Variants in ZNF486 observed in about 807,000 individuals in gnomAD.
ZNF486 encodes KRAB box only protein 2.
A neutral mutation model predicts 12.8 loss-of-function variants in ZNF486; 12 were observed. The ratio of observed to expected loss-of-function variants is 0.94; its 90% confidence interval spans 0.60 to 1.52. The LOEUF is 1.52. ZNF486 is among the 40% of genes most tolerant of loss of function. The pLI is 0.00. For synonymous variants in ZNF486, 231 were observed against 184.9 expected (o/e 1.25, Z -2.02); for missense variants, 738 against 545.0 (o/e 1.35, Z -3.53).
intron 1 of ZNF486, 113 bp downstream of exon 1, chr19:20,167,473 C>T: frequency 7.9e-7 from 1 of 1,272,062 alleles, no homozygotes; most frequent in Non-Finnish European, 1.1e-6. Context: ...GTCCGGACTT[C>T]TCCTTACCCA....
At chr19:20,190,596 G>A (rs1555717049) in intron 3 of ZNF486, among the ~76,000 whole-genome samples, 1 of 152,108 alleles carries the variant, frequency 6.6e-6, no homozygotes, top group East Asian at 1.9e-4. Flanking sequence ...TGTTGTCCAG[G>A]CTGGTCTCAA....
At chr19:20,170,988 AG>A (rs2089642101) in intron 1 of ZNF486, among the ~76,000 whole-genome samples, 1 of 152,232 alleles carries the variant, frequency 6.6e-6, no homozygotes, top group Admixed American at 6.5e-5. Flanking sequence ...TTAGTTCAAA[AG>A]AATAGATGGG....
intron 3 of ZNF486, chr19:20,188,340 A>G: frequency 5.0e-6 from 2 of 397,968 alleles, no homozygotes; most frequent in Non-Finnish European, 8.9e-6. Flanking sequence ...CTTTAAAAAA[A>G]TTGTTTTAAA....
chr19:20,188,661 A>C (rs1156707413), intron 3 of ZNF486: 1 of 391,718 alleles, frequency 2.6e-6, no homozygotes, highest in Non-Finnish European at 4.5e-6. Flanking sequence ...AAACAAAAAA[A>C]AGCTGTTCAT....
At chr19:20,191,530 G>A (rs1433751799) in intron 3 of ZNF486, among the ~76,000 whole-genome samples, 2 of 151,318 alleles carry the variant, frequency 1.3e-5, no homozygotes, top group Non-Finnish European at 2.9e-5. Context: ...AGCATTTTGG[G>A]AGGCCCAGGT....
At chr19:20,173,538 T>G (rs1274455471) in intron 1 of ZNF486, among the ~76,000 whole-genome samples, 1 of 151,948 alleles carries the variant, frequency 6.6e-6, no homozygotes, top group African/African-American at 2.4e-5. Context: ...CCTTAAAAAC[T>G]TCCAAAAAAA....
intron 1 of ZNF486, among the ~76,000 whole-genome samples, chr19:20,179,298 TA>T (rs2089758720): frequency 6.6e-6 from 1 of 152,184 alleles, no homozygotes; most frequent in Admixed American, 6.5e-5. Context: ...TGTAAATAAA[TA>T]AAAACTTTTG....
chr19:20,195,493 A>G (rs1555717764), intron 3 of ZNF486, among the ~76,000 whole-genome samples: 1 of 152,188 alleles, frequency 6.6e-6, no homozygotes. Flanking sequence ...GAATTTTAAA[A>G]ATTACTTTGT....
intron 3 of ZNF486, chr19:20,188,764 C>T (rs1341765680): frequency 7.2e-6 from 2 of 278,336 alleles, no homozygotes; most frequent in East Asian, 1.2e-4. Flanking sequence ...CATTAAATAA[C>T]AACTGCTCAT....
rs1441911808 is a variant in ZNF486, at chr19:20,199,161, T to C, written c.*1059T>C. 2 of 152,166 alleles carry C rather than the reference T, an allele frequency of 1.3e-5. No individual in the cohort carries two copies. Among genetic ancestry groups the C allele is most frequent in the African/African-American group, 4.8e-5 (2 of 41,444 alleles). The allele number at this position is 152,166 out of a possible 1,614,324, so 9.4% of individuals were successfully genotyped here. On this transcript the variant is annotated 3_prime_UTR_variant, in exon 4 of 4. Transcript: ENST00000335117. ...AAAAGCCATTAATGTCCATCACATC[T>C]TACTCAACAGAAGAAGGTTCATAAA...
At chr19:20,180,606 CTG>C (rs1205295257) in intron 1 of ZNF486, among the ~76,000 whole-genome samples, 9 of 152,184 alleles carry the variant, frequency 5.9e-5, no homozygotes, top group Admixed American at 5.2e-4. Flanking sequence ...CAGAATCTCA[CTG>C]TGTTACCCAG....
intron 3 of ZNF486, among the ~76,000 whole-genome samples, chr19:20,193,514 A>G (rs2089922994): frequency 6.6e-6 from 1 of 151,916 alleles, no homozygotes; most frequent in African/African-American, 2.4e-5. Flanking sequence ...TACAAACATT[A>G]TCCGGGCATG....
intron 1 of ZNF486, among the ~76,000 whole-genome samples, chr19:20,174,381 TTTTCTTTC>T (rs144184808): frequency 3.3e-5 from 5 of 151,430 alleles, no homozygotes; most frequent in African/African-American, 1.2e-4. Flanking sequence ...AGTATTTTGT[TTTTCTTTC>T]TTTCTTTCTT....
chr19:20,181,104 T>C (rs928790132), intron 1 of ZNF486, among the ~76,000 whole-genome samples: 23 of 152,252 alleles, frequency 1.5e-4, no homozygotes, highest in Admixed American at 1.1e-3. Flanking sequence ...TTCATGCTTT[T>C]TGGAGGCGTT....
chr19:20,181,848 C>G (rs1371555887), intron 1 of ZNF486, among the ~76,000 whole-genome samples: 1 of 152,158 alleles, frequency 6.6e-6, no homozygotes, highest in African/African-American at 2.4e-5. Context: ...TTACCTAAAT[C>G]CTAAAGTTTA....
rs563583849 is a variant in ZNF486, at chr19:20,191,726, C to G, written c.254-5238C>G. Among the ~76,000 whole-genome samples, 4 of 152,186 alleles carry G rather than the reference C, an allele frequency of 2.6e-5. No homozygotes were observed. In the East Asian group the frequency reaches 7.7e-4, roughly 29 times the overall value. On this transcript the variant is annotated intron_variant, in intron 3 of 3. Transcript: ENST00000335117. Reference sequence around the variant, plus strand: ...CGGAGCTTGTAGTGAGCTGAGATTGCGCCACTGTACTCCAGCCTGGGCAAA... The same window carrying G: ...CGGAGCTTGTAGTGAGCTGAGATTGGGCCACTGTACTCCAGCCTGGGCAAA...
Position 20,197,310 on chromosome 19 carries a change from TAAA to T in ZNF486, c.605_607del (p.Lys202del). The T allele has an allele frequency of 6.2e-7, 1 of 1,612,148 alleles. No individual in the cohort carries two copies. The highest frequency in any genetic ancestry group is 8.5e-7 in the Non-Finnish European group (1 of 1,179,392). The stretch of plus-strand genomic sequence containing the variant: ...ACCAGTCCTCAACCCATACTACACA[TAAA>T]AAAATTGATACTGGAGAGAAACCAT... On this transcript the variant is annotated inframe_deletion, in exon 4 of 4. Coordinates refer to ENST00000335117, the MANE Select transcript of ZNF486 (RefSeq NM_052852.4).
At chr19:20,172,640 C>G (rs1422707808) in intron 1 of ZNF486, among the ~76,000 whole-genome samples, 2 of 150,174 alleles carry the variant, frequency 1.3e-5, no homozygotes, top group African/African-American at 4.9e-5. Context: ...TTCTTGTAAA[C>G]TTGTTTAAGT....
chr19:20,174,210 T>C (rs548415632), intron 1 of ZNF486, among the ~76,000 whole-genome samples: 1 of 152,322 alleles, frequency 6.6e-6, no homozygotes, highest in East Asian at 1.9e-4. Flanking sequence ...TATCCAATAT[T>C]TGCAGGCTGA....
Sources: allele counts gnomAD v4.1 joint callset (sites outside exome capture counted in the v4.1 genomes callset), GRCh38; gene constraint gnomAD v4.1.1; transcripts MANE v1.5; gene names NCBI Gene and HGNC (gene_info 2026-07-23, HGNC 2026-07-21).